LHB: variants seen among roughly 807,000 people sequenced by gnomAD.
LHB encodes the protein luteinizing hormone subunit beta, also known as lutropin subunit beta.
Under a neutral mutation model 10.6 loss-of-function variants are expected in LHB, and 11 were observed. The observed-to-expected ratio is 1.04, with a 90% CI of 0.66 to 1.72. The LOEUF (loss-of-function observed/expected upper bound fraction) is 1.72, where lower values mean the gene tolerates loss of function less well. Among genes scored for constraint, LHB ranks in the 40% most tolerant of loss-of-function variants. LHB has a pLI of 0.00. For missense variants in LHB, 184 were observed against 197.3 expected (o/e 0.93, Z 0.41); for synonymous variants, 86 against 83.1 (o/e 1.03, Z -0.19).
chr19:49,017,585 A>T (rs3795048), upstream of LHB: 49,733 of 1,047,492 alleles, frequency 0.047, 1,721 homozygotes, highest in Middle Eastern at 0.065. Flanking sequence ...CACTTGACCC[A>T]GATGCCCCCA....
At chr19:49,017,477 C>T (rs1048117625), upstream of LHB, 7 of 1,149,126 alleles carry the variant, frequency 6.1e-6, no homozygotes, top group East Asian at 5.1e-5. Context: ...TTGAGGCTTT[C>T]CTGCACCACA....
At chr19:49,016,519 C>T (rs747294498) in intron 2 of LHB, 28 bp downstream of exon 2, 56 of 1,542,894 alleles carry the variant, frequency 3.6e-5, no homozygotes, top group African/African-American at 5.7e-5. Flanking sequence ...GAGGTGGCAG[C>T]ATCTGCCCCT....
At chr19:49,019,371 C>A, upstream of LHB, 1 of 1,243,316 alleles carries the variant, frequency 8.0e-7, no homozygotes. Flanking sequence ...TTACCTCTCC[C>A]AACTCCCACC....
chr19:49,016,952 G>C, intron 1 of LHB, 115 bp downstream of exon 1: 1 of 1,609,500 alleles, frequency 6.2e-7, no homozygotes, highest in South Asian at 1.1e-5. Flanking sequence ...GCTTACTGGG[G>C]GTCATGCCCC....
chr19:49,018,944 G>T (rs1406927664), upstream of LHB: 1 of 1,534,346 alleles, frequency 6.5e-7, no homozygotes, highest in Non-Finnish European at 8.7e-7. Flanking sequence ...CGCCCCGGTC[G>T]GATACTGTGA....
At chr19:49,016,348 G>C in intron 2 of LHB, 38 bp from the exon 3 acceptor site, 1 of 1,606,878 alleles carries the variant, frequency 6.2e-7, no homozygotes, top group Non-Finnish European at 8.5e-7. Context: ...GCATGTGCCT[G>C]AGGCCAGCGC....
At chr19:49,017,469 G>C (rs1394911638), upstream of LHB, 1 of 1,151,514 alleles carries the variant, frequency 8.7e-7, no homozygotes, top group Non-Finnish European at 1.1e-6. Flanking sequence ...CCCTCCACTT[G>C]AGGCTTTCCT....
upstream of LHB, chr19:49,018,265 G>C (rs1221391128): frequency 9.8e-7 from 1 of 1,015,334 alleles, no homozygotes; most frequent in African/African-American, 1.7e-5. Context: ...GCGGGCCGTG[G>C]CTCCAGACCT....
At chr19:49,017,511 T>G (rs901348499), upstream of LHB, 32 of 1,130,260 alleles carry the variant, frequency 2.8e-5, no homozygotes, top group Admixed American at 8.2e-5. Flanking sequence ...GGAGGGGCGC[T>G]GCTTCGGACT....
At chr19:49,018,449 A>G (rs1435654002), upstream of LHB, 5 of 653,664 alleles carry the variant, frequency 7.6e-6, no homozygotes, top group Non-Finnish European at 1.1e-5. Flanking sequence ...TTTCCAGGCG[A>G]GCACCCCTTA....
In LHB at chr19:49,017,091, A is replaced by G. The variant is rs755774814; in HGVS notation, c.-10T>C. ...CCTGGAGCATCTCCATCCTTGGTGC[A>G]TCCCCTGCCTCGTGTATCTGGCTAT... On this transcript the variant is annotated 5_prime_UTR_variant, in exon 1 of 3. Coordinates refer to ENST00000649238, the MANE Select transcript of LHB (RefSeq NM_000894.3). 1.1e-5 allele frequency: 17 copies of G among 1,613,808 alleles called. No homozygotes were observed. The highest frequency in any genetic ancestry group is 1.7e-5 in the Admixed American group (1 of 59,994).
Position 49,016,569 on chromosome 19 carries a change from C to T in LHB, c.161G>A (p.Cys54Tyr). 1 of 1,610,018 alleles carries T rather than the reference C, an allele frequency of 6.2e-7. No homozygotes were observed. The highest frequency in any genetic ancestry group is 8.5e-7 in the Non-Finnish European group (1 of 1,179,664). The stretch of plus-strand genomic sequence containing the variant: ...CACCATGGTGGGGCAGTAGCCGGCA[C>T]AGATGGTGGTGTTGACGGTGATGCA... ...PVCITVNTTI[C>Y]AGYCPTMMRV... The change falls in exon 2 of 3, where the codon TGT (cysteine) becomes TAT (tyrosine). Residue 54 changes from cysteine to tyrosine, a missense_variant. Coordinates refer to ENST00000649238, the MANE Select transcript of LHB (RefSeq NM_000894.3).
upstream of LHB, chr19:49,019,147 C>T (rs143293231): frequency 1.6e-3 from 2,276 of 1,413,336 alleles, 5 homozygotes; most frequent in Non-Finnish European, 1.8e-3. Context: ...GGGTTAGAGC[C>T]CTTCCTGCCA....
upstream of LHB, chr19:49,018,233 G>C (rs1005491183): frequency 1.0e-4 from 76 of 731,882 alleles, no homozygotes; most frequent in Non-Finnish European, 1.4e-4. Context: ...CGGCCGGGAG[G>C]AGCGCGGACA....
In LHB at chr19:49,016,100, G is replaced by C. The variant is rs755285445; in HGVS notation, c.394C>G (p.His132Asp). 14 of 1,613,096 alleles carry C rather than the reference G, an allele frequency of 8.7e-6. No individual in the cohort carries two copies. Among genetic ancestry groups the C allele is most frequent in the Middle Eastern group, 1.9e-4 (1 of 5,166 alleles). Residue 132 changes from histidine (H) to aspartate (D), a missense_variant, in exon 3 of 3, where the codon CAC becomes GAC. Coordinates refer to ENST00000649238, the MANE Select transcript of LHB (RefSeq NM_000894.3). ...AAGAGGAGGCCTGAGAGTTGGGGGT[G>C]GTCACAGGTCAAGGGGTGGTCTTTG... ...GPKDHPLTCD[H>D]PQLSGLLFL
chr19:49,018,855 A>T, upstream of LHB: 1 of 1,526,088 alleles, frequency 6.6e-7, no homozygotes, highest in Non-Finnish European at 8.8e-7. Context: ...GGCGGTGCCG[A>T]GCGAGAGCCC....
upstream of LHB, chr19:49,018,370 AC>A: frequency 8.3e-7 from 1 of 1,200,988 alleles, no homozygotes; most frequent in Non-Finnish European, 1.0e-6. Flanking sequence ...TGGTGAGGAT[AC>A]AGCTGGATCC....
Position 49,016,651 on chromosome 19 carries a change from G to A in LHB, c.79C>T (p.Pro27Ser), listed in dbSNP as rs1222499375. 6.2e-7 allele frequency: 1 copy of A among 1,612,166 alleles called. No homozygotes were observed. Among genetic ancestry groups the A allele is most frequent in the Admixed American group, 1.7e-5 (1 of 59,988 alleles). The change falls in exon 2 of 3, where the codon CCA becomes TCA. Residue 27 changes from proline to serine, a missense_variant. Pro to Ser is a moderately conservative substitution (Grantham distance 74). Transcript: ENST00000649238. ...GAWASREPLR[P>S]WCHPINAILA... ...ATGGCATTGATGGGGTGGCACCATGGCCGAAGCGGCTCCCTGGATGCCCAT... is the reference window on the plus strand; with the variant it reads ...ATGGCATTGATGGGGTGGCACCATGACCGAAGCGGCTCCCTGGATGCCCAT...
upstream of LHB, chr19:49,017,969 C>A: frequency 2.5e-6 from 1 of 398,536 alleles, no homozygotes; most frequent in Non-Finnish European, 4.4e-6. Context: ...CCTGACGGCT[C>A]ACACCAGCGC....
Sources: gnomAD v4.1 joint callset for allele counts on GRCh38, gnomAD v4.1.1 for gene constraint, MANE v1.5 for transcripts, NCBI Gene and HGNC (gene_info 2026-07-23, HGNC 2026-07-21) for gene names.